The following ADAMTSL3 variants were observed in gnomAD, a reference collection of about 807,000 sequenced individuals.
The protein encoded by ADAMTSL3 is ADAMTS-like protein 3.
A neutral mutation model predicts 201.7 loss-of-function variants in ADAMTSL3; 128 were observed. The ratio of observed to expected loss-of-function variants is 0.63; its 90% CI spans 0.55 to 0.73. The LOEUF (loss-of-function observed/expected upper bound fraction) is 0.73. Among genes scored for constraint, ADAMTSL3 ranks in the 30% least tolerant of loss-of-function variants. ADAMTSL3 has a pLI of 0.00. For missense variants in ADAMTSL3, 1,990 were observed against 2,119.6 expected, an observed-to-expected ratio of 0.94 and a Z score of 1.20; for synonymous variants, 738 against 748.4, an observed-to-expected ratio of 0.99 and a Z score of 0.23.
At chr15:83,970,840 C>T (rs568577357) in intron 20 of ADAMTSL3, among the ~76,000 whole-genome samples, 58 of 152,268 alleles carry the variant, frequency 3.8e-4, no homozygotes, top group African/African-American at 1.3e-3. Context: ...AAGAAATGTC[C>T]GCCCACTTAA....
intron 15 of ADAMTSL3, among the ~76,000 whole-genome samples, chr15:83,908,648 A>G (rs1044210978): frequency 6.6e-6 from 1 of 152,136 alleles, no homozygotes; most frequent in Admixed American, 6.5e-5. Context: ...CCCTGTCTTT[A>G]TGTTCCTATA....
At chr15:84,021,013 C>T (rs574043609) in intron 25 of ADAMTSL3, among the ~76,000 whole-genome samples, 1 of 152,368 alleles carries the variant, frequency 6.6e-6, no homozygotes, top group African/African-American at 2.4e-5. Context: ...GCCTGATCCA[C>T]TTTTGAGAAA....
chr15:83,662,402 A>G (rs2061181643), intron 2 of ADAMTSL3, among the ~76,000 whole-genome samples: 1 of 122,296 alleles, frequency 8.2e-6, no homozygotes, highest in African/African-American at 3.2e-5. Context: ...GAAGGGGAAT[A>G]TCACACTCTG....
Position 83,890,191 on chromosome 15 carries a change from A to C in ADAMTSL3, c.1155A>C (p.Glu385Asp). The change falls in exon 11 of 30, where the codon GAA becomes GAC. Residue 385 changes from glutamate to aspartate, a missense_variant. Coordinates refer to ENST00000286744, the MANE Select transcript of ADAMTSL3 (RefSeq NM_207517.3). ...ACCATTATTGTCACTACTACCCTGAAAATGTAAAACCAAAACCAAAACTGA... is the reference window on the plus strand; with the variant it reads ...ACCATTATTGTCACTACTACCCTGACAATGTAAAACCAAAACCAAAACTGA... The part of the protein sequence containing the change: ...VPDHYCHYYP[E>D]NVKPKPKLKE... 1.2e-6 allele frequency: 2 copies of C among 1,614,100 alleles called. No homozygotes were observed. Among genetic ancestry groups the C allele is most frequent in the Non-Finnish European group, 1.7e-6 (2 of 1,179,950 alleles).
chr15:84,009,153 A>G (rs1032082856), intron 23 of ADAMTSL3, among the ~76,000 whole-genome samples: 10 of 152,206 alleles, frequency 6.6e-5, no homozygotes, highest in Non-Finnish European at 1.3e-4. Context: ...AAGTCAGCTC[A>G]TGCCATTCTT....
intron 2 of ADAMTSL3, among the ~76,000 whole-genome samples, chr15:83,674,050 A>ATT (rs1318775771): frequency 7.8e-6 from 1 of 127,466 alleles, no homozygotes; most frequent in Non-Finnish European, 1.6e-5. Flanking sequence ...TTTTATTTTT[A>ATT]TGTTTTTTTT....
chr15:83,718,850 T>C (rs1445796449), intron 3 of ADAMTSL3, among the ~76,000 whole-genome samples: 2 of 152,118 alleles, frequency 1.3e-5, no homozygotes, highest in Non-Finnish European at 2.9e-5. Context: ...ACTCATTACA[T>C]TGAAAACAAA....
chr15:84,021,361 C>T (rs529748969), intron 25 of ADAMTSL3, 49 bp from the exon 26 acceptor site: 17 of 1,604,042 alleles, frequency 1.1e-5, no homozygotes, highest in Middle Eastern at 1.7e-4. Context: ...TCCAGCTCGT[C>T]GTCATTTCTC....
At chr15:83,803,188 G>A (rs2063550763) in intron 4 of ADAMTSL3, among the ~76,000 whole-genome samples, 1 of 152,114 alleles carries the variant, frequency 6.6e-6, no homozygotes, top group South Asian at 2.1e-4. Context: ...AAAGAATAAA[G>A]TTATTGGTGA....
chr15:83,885,171 G>C lies in ADAMTSL3; in HGVS notation c.1031G>C (p.Arg344Thr). Residue 344 changes from arginine to threonine, a missense_variant, in exon 10 of 30, where the codon AGA (arginine) becomes ACA (threonine). Transcript: ENST00000286744. ...TACCAGCCCATCAGTCATCAGTGGA[G>C]ACAAACTGACTTCTTTCCCTGCACT... ...FFYQPISHQWRQTDFFPCTVT... is the reference protein window; with the variant it reads ...FFYQPISHQWTQTDFFPCTVT... 6.2e-7 allele frequency: 1 copy of C among 1,614,120 alleles called. No homozygotes were observed. The highest frequency in any genetic ancestry group is 1.7e-5 in the Admixed American group (1 of 60,022).
rs1402860987 is a variant in ADAMTSL3 at position 83,983,176 on chromosome 15, G to A, written c.3548G>A (p.Ser1183Asn). Residue 1183 changes from serine (S) to asparagine (N), a missense_variant, in exon 21 of 30, where the codon AGC becomes AAC. Coordinates refer to ENST00000286744, the MANE Select transcript of ADAMTSL3 (RefSeq NM_207517.3). ...AAAGGACCTGTTCTCATGAGGCAAA[G>A]CCAACCTCCCTCAATTTCATTTAAT... ...KPKGPVLMRQ[S>N]QPPSISFNKT... The A allele has an allele frequency of 1.4e-5, 23 of 1,613,852 alleles. No homozygotes were observed. The highest frequency in any genetic ancestry group is 1.9e-5 in the Non-Finnish European group (23 of 1,179,952).
chr15:83,731,215 G>A (rs2062264148), intron 3 of ADAMTSL3, among the ~76,000 whole-genome samples: 1 of 152,058 alleles, frequency 6.6e-6, no homozygotes, highest in Non-Finnish European at 1.5e-5. Context: ...ATAGTAGGAA[G>A]TGTGATGCTT....
intron 4 of ADAMTSL3, 97 bp from the exon 5 acceptor site, chr15:83,804,553 G>T: frequency 1.3e-6 from 1 of 784,268 alleles, no homozygotes; most frequent in South Asian, 1.8e-5. Context: ...GTTTTACAGG[G>T]AACCAATGCC....
At chr15:83,892,516 C>G (rs143466274) in intron 12 of ADAMTSL3, among the ~76,000 whole-genome samples, 168 bp from the exon 13 acceptor site, 61 of 152,028 alleles carry the variant, frequency 4.0e-4, no homozygotes, top group African/African-American at 1.4e-3. Flanking sequence ...GGTGACAGAG[C>G]GAGACTCTGT....
rs375383547 is a variant in ADAMTSL3, at chr15:83,913,278, G to A, written c.1887G>A (p.Pro629=). 4.2e-5 allele frequency: 67 copies of A among 1,613,832 alleles called. No homozygotes were observed. The Admixed American group carries it at 7.7e-4, about 18-fold the overall frequency. The part of the protein sequence containing the change: ...PCLLEACDES[P]ASRELDIPLP... Reference sequence around the variant, plus strand: ...TCCTGGAAGCATGTGATGAGAGCCCGGCCTCCCGAGAGCTAGACATCCCTC... The same window carrying A: ...TCCTGGAAGCATGTGATGAGAGCCCAGCCTCCCGAGAGCTAGACATCCCTC... The change falls in exon 16 of 30, where the codon CCG becomes CCA. Residue 629 remains proline, a synonymous_variant. Transcript: ENST00000286744.
At chr15:83,976,724 C>T (rs1477863675) in intron 20 of ADAMTSL3, among the ~76,000 whole-genome samples, 4 of 152,024 alleles carry the variant, frequency 2.6e-5, no homozygotes, top group Non-Finnish European at 5.9e-5. Context: ...TGACAGGAGG[C>T]GGAGTTCAGG....
intron 3 of ADAMTSL3, among the ~76,000 whole-genome samples, chr15:83,753,979 A>G (rs996858623): frequency 1.3e-5 from 2 of 152,208 alleles, no homozygotes; most frequent in African/African-American, 2.4e-5. Context: ...TTTTATCTTC[A>G]TAAGTCATCA....
chr15:83,819,011 G>A (rs1302118883), intron 5 of ADAMTSL3, among the ~76,000 whole-genome samples: 3 of 152,284 alleles, frequency 2.0e-5, no homozygotes, highest in East Asian at 1.9e-4. Flanking sequence ...TGTGGCTCAC[G>A]CCTTTAATCC....
chr15:84,003,130 T>C (rs1040707984), intron 23 of ADAMTSL3, among the ~76,000 whole-genome samples: 11 of 151,790 alleles, frequency 7.2e-5, no homozygotes, highest in African/African-American at 2.7e-4. Context: ...TTTTTTTTCT[T>C]GTAGAGACAG....
Sources: allele counts gnomAD v4.1 joint callset (sites outside exome capture counted in the v4.1 genomes callset), GRCh38; gene constraint gnomAD v4.1.1; transcripts MANE v1.5; gene names NCBI Gene and HGNC (gene_info 2026-07-23, HGNC 2026-07-21).